The following EBLN1 variants were observed in gnomAD, a reference collection of about 807,000 sequenced individuals.
The protein encoded by EBLN1 is endogenous Bornavirus like nucleoprotein 1.
A neutral mutation model predicts 0.8 loss-of-function variants in EBLN1; 1 was observed. The observed-to-expected ratio is 1.32, with a 90% CI of 0.47 to 6.26. The LOEUF is 6.26. Ranked by LOEUF, EBLN1 falls within the 30% of genes most tolerant of loss-of-function variation. The pLI is 0.15. For synonymous variants in EBLN1, 158 were observed against 158.5 expected (o/e 1.00, Z 0.02); for missense variants, 396 against 447.9 (o/e 0.88, Z 1.05).
rs1014334708 is a variant in EBLN1, at chr10:22,209,928, T to C, written c.56A>G (p.Asp19Gly). 65 of 1,461,928 alleles carry C rather than the reference T, an allele frequency of 4.4e-5. No homozygotes were observed. Among genetic ancestry groups the C allele is most frequent in the Non-Finnish European group, 5.2e-5 (58 of 1,113,740 alleles). The allele number at this position is 1,461,928 out of a possible 1,614,324, so 90.6% of individuals were successfully genotyped here. Residue 19 changes from aspartate (D) to glycine (G), a missense_variant, in exon 3 of 3, where the codon GAT becomes GGT. Asp to Gly is a moderately conservative substitution (Grantham distance 94, BLOSUM62 -1). Coordinates refer to ENST00000422359, the MANE Select transcript of EBLN1 (RefSeq NM_001394757.1). ...QTSSPQDSTK[D>G]GSSFHYFQGR... ...TTGAAAGTAATGGAAGCTGCTCCCA[T>C]CCTTTGTACTGTCTTGTGGGCTGCT...
chr10:22,211,957 A>C (rs1273539301), intron 2 of EBLN1, among the ~76,000 whole-genome samples: 1 of 152,214 alleles, frequency 6.6e-6, no homozygotes, highest in East Asian at 1.9e-4. Context: ...TTAGTTAATC[A>C]TGCAACTAAA....
In EBLN1 at chr10:22,209,168, T is replaced by C. The variant is rs1834721032; in HGVS notation, c.816A>G (p.Lys272=). ...PVFEQKKPLA[K]KVLGDFFEFG... ...ATTCAAAGAAATCTCCAAGTACCTT[T>C]TTAGCCAGTGGTTTCTTCTGCTCAA... Residue 272 remains lysine (K), a synonymous_variant, in exon 3 of 3, where the codon AAA becomes AAG. Transcript: ENST00000422359. 6.5e-7 allele frequency: 1 copy of C among 1,535,766 alleles called. No individual in the cohort carries two copies. Among genetic ancestry groups the C allele is most frequent in the Non-Finnish European group, 8.7e-7 (1 of 1,146,970 alleles).
At chr10:22,211,245 T>C (rs1834750761) in intron 2 of EBLN1, among the ~76,000 whole-genome samples, 1 of 152,182 alleles carries the variant, frequency 6.6e-6, no homozygotes, top group African/African-American at 2.4e-5. Context: ...TGCATCTCAA[T>C]AAATATTTTT....
Position 22,211,738 on chromosome 10 carries a change from C to T in EBLN1, c.-45+1104G>A, listed in dbSNP as rs189844843. 3.3e-3 allele frequency among the ~76,000 whole-genome samples: 506 copies of T among 152,188 alleles called. 1 individual carries two copies. Among genetic ancestry groups the T allele is most frequent in the Non-Finnish European group, 5.5e-3 (374 of 68,004 alleles). ...GAACTCCTGACCTCAAGTAATCTGG[C>T]CTCATCCCACGCTACCCCACGCTAC... On this transcript the variant is annotated intron_variant, in intron 2 of 2. Transcript: ENST00000422359.
rs1016283175 is a variant in EBLN1 at position 22,209,572 on chromosome 10, G to A, written c.412C>T (p.Arg138Cys). 1.2e-5 allele frequency: 18 copies of A among 1,542,266 alleles called. No homozygotes were observed. In the African/African-American group the frequency reaches 1.2e-4, roughly 11 times the overall value. Residue 138 changes from arginine to cysteine, a missense_variant, in exon 3 of 3, where the codon CGT (arginine) becomes TGT (cysteine). Coordinates refer to ENST00000422359, the MANE Select transcript of EBLN1 (RefSeq NM_001394757.1). ...ATGCCTATCAGATCACAGCAGTGACGCAGAATTGATGACATCTCAAGGGCA... is the reference window on the plus strand; with the variant it reads ...ATGCCTATCAGATCACAGCAGTGACACAGAATTGATGACATCTCAAGGGCA... ...FTALEMSSIL[R>C]HCCDLIGIAA...
In EBLN1 at chr10:22,209,854, A is replaced by G. The variant is rs576011303; in HGVS notation, c.130T>C (p.Leu44=). 3.1e-5 allele frequency: 47 copies of G among 1,527,810 alleles called. No individual in the cohort carries two copies. Among genetic ancestry groups the G allele is most frequent in the African/African-American group, 1.5e-4 (11 of 72,878 alleles). 94.6% of individuals were successfully genotyped at this position (1,527,810 alleles called of 1,614,324 possible). ...TCTCCAATACCAGGTTGGGGCTCCAATGCATCTGCTGGATACTGTCTGCTC... is the reference window on the plus strand; with the variant it reads ...TCTCCAATACCAGGTTGGGGCTCCAGTGCATCTGCTGGATACTGTCTGCTC... ...GKSRQYPADA[L]EPQPGIGDVK... The change falls in exon 3 of 3, where the codon TTG becomes CTG. Residue 44 remains leucine (L), a synonymous_variant. Coordinates refer to ENST00000422359, the MANE Select transcript of EBLN1 (RefSeq NM_001394757.1).
rs748743903 is a variant in EBLN1, at chr10:22,216,261, CAAAACA to C, written c.-169+1649_-169+1654del. Among the ~76,000 whole-genome samples the C allele has an allele frequency of 6.7e-4, 102 of 151,738 alleles. 2 individuals carry two copies. The highest frequency in any genetic ancestry group is 6.8e-3 in the Middle Eastern group (2 of 294). ...TCATCTGGCATGTACAAACACATTG[CAAAACA>C]AAAACAAAAACAAAAACAAATTAGT... On this transcript the variant is annotated intron_variant, in intron 1 of 2. Transcript: ENST00000422359.
chr10:22,213,716 T>G (rs1216977657), intron 1 of EBLN1, among the ~76,000 whole-genome samples: 2 of 152,180 alleles, frequency 1.3e-5, no homozygotes, highest in African/African-American at 4.8e-5. Flanking sequence ...ATGACAAAAT[T>G]TACTGCTATT....
Position 22,209,252 on chromosome 10 carries a change from C to G in EBLN1, c.732G>C (p.Leu244=), listed in dbSNP as rs1291336157. The change falls in exon 3 of 3, where the codon CTG becomes CTC. Residue 244 remains leucine, a synonymous_variant. Coordinates refer to ENST00000422359, the MANE Select transcript of EBLN1 (RefSeq NM_001394757.1). ...MMTYYTVRMF[L]DQCVDGSTAL... ...CAGTGGAACCATCCACACACTGATC[C>G]AGGAACATTCTCACAGTGTAGTAGG... 1.3e-6 allele frequency: 2 copies of G among 1,568,764 alleles called. No homozygotes were observed. Among genetic ancestry groups the G allele is most frequent in the Non-Finnish European group, 1.7e-6 (2 of 1,164,718 alleles).
At position 22,209,951 on chromosome 10, in the gene EBLN1, G is replaced by T; in HGVS notation, c.33C>A (p.Ser11Arg). The T allele has an allele frequency of 7.0e-7, 1 of 1,430,780 alleles. No individual in the cohort carries two copies. The highest frequency in any genetic ancestry group is 9.1e-7 in the Non-Finnish European group (1 of 1,096,962). The allele number at this position is 1,430,780 out of a possible 1,614,324, so 88.6% of individuals were successfully genotyped here. Residue 11 changes from serine (S) to arginine (R), a missense_variant, in exon 3 of 3, where the codon AGC (serine) becomes AGA (arginine). Ser to Arg is a moderately radical substitution (Grantham distance 110, BLOSUM62 -1). Coordinates refer to ENST00000422359, the MANE Select transcript of EBLN1 (RefSeq NM_001394757.1). MSRPRNNPQT[S>R]SPQDSTKDGS... The stretch of plus-strand genomic sequence containing the variant: ...CATCCTTTGTACTGTCTTGTGGGCT[G>T]CTGGTCTGTGGGTTGTTTCTTGGGC...
rs1834765235 is a variant in EBLN1 at position 22,212,822 on chromosome 10, C to G, written c.-45+20G>C. 6.8e-6 allele frequency among the ~76,000 whole-genome samples: 1 copy of G among 148,014 alleles called. No individual in the cohort carries two copies. Among genetic ancestry groups the G allele is most frequent in the Non-Finnish European group, 1.5e-5 (1 of 67,248 alleles). ...AGTTGTGTTTTTTTTTTTAAATTAG[C>G]TGGGCATGGTGGCACGTACCTGCAG... On this transcript the variant is annotated intron_variant, in intron 2 of 2. Coordinates refer to ENST00000422359, the MANE Select transcript of EBLN1 (RefSeq NM_001394757.1).
Position 22,208,977 on chromosome 10 carries a change from T to C in EBLN1, c.1007A>G (p.Gln336Arg). 2 of 1,535,736 alleles carry C rather than the reference T, an allele frequency of 1.3e-6. No homozygotes were observed. Among genetic ancestry groups the C allele is most frequent in the South Asian group, 2.4e-5 (2 of 84,062 alleles). Residue 336 changes from glutamine to arginine, a missense_variant, in exon 3 of 3, where the codon CAA becomes CGA. Gln to Arg is a conservative substitution (Grantham distance 43). Transcript: ENST00000422359. ...GGAGATTTTCTGAGCAGATGCCATT[T>C]GAAGTACAGGGAATGTAATAGTTGA... Reference protein sequence around the residue: ...PGSTITFPVLQMASAQKISRG... With the variant: ...PGSTITFPVLRMASAQKISRG...
Position 22,209,603 on chromosome 10 carries a change from G to A in EBLN1, c.381C>T (p.Thr127=), listed in dbSNP as rs1834728529. ...YASKFEDVLP[T]FTALEMSSIL... is the part of the protein sequence containing the mutation. ...TTGATGACATCTCAAGGGCAGTGAA[G>A]GTAGGCAAAACATCTTCAAATTTGC... Residue 127 remains threonine (T), a synonymous_variant, in exon 3 of 3, where the codon ACC becomes ACT. Coordinates refer to ENST00000422359, the MANE Select transcript of EBLN1 (RefSeq NM_001394757.1). 1.3e-6 allele frequency: 2 copies of A among 1,536,818 alleles called. No individual in the cohort carries two copies. The highest frequency in any genetic ancestry group is 1.7e-6 in the Non-Finnish European group (2 of 1,147,484).
intron 2 of EBLN1, among the ~76,000 whole-genome samples, chr10:22,210,402 C>G (rs1347343342): frequency 1.3e-5 from 2 of 152,240 alleles, no homozygotes; most frequent in East Asian, 3.9e-4. Context: ...ATAAAACCCC[C>G]TATAATGAAC....
chr10:22,208,896 G>T lies in EBLN1; in HGVS notation c.1088C>A (p.Ser363Ter). 3.3e-6 allele frequency: 5 copies of T among 1,522,476 alleles called. No individual in the cohort carries two copies. The highest frequency in any genetic ancestry group is 4.4e-6 in the Non-Finnish European group (5 of 1,140,426). 94.3% of individuals were successfully genotyped at this position (1,522,476 alleles called of 1,614,324 possible). The change falls in exon 3 of 3, where the codon TCG (serine) becomes TAG (stop). Residue 363 changes from serine to a stop codon, truncating the protein, a stop_gained. Coordinates refer to ENST00000422359, the MANE Select transcript of EBLN1 (RefSeq NM_001394757.1). LOFTEE classifies it high-confidence loss of function. Reference protein sequence around the residue: ...TLNILRGYGISGFE With the variant: ...TLNILRGYGI ...TTCACGTATTTGTTATTCAAATCCC[G>T]AAATCCCATAACCGCGAAGGATGTT...
Position 22,209,810 on chromosome 10 carries a change from T to C in EBLN1, c.174A>G (p.Lys58=), listed in dbSNP as rs765383236. ...PGIGDVKVIE[K]ATKSMLDPAQ... ...CTGGGTCTAGCATAGACTTAGTTGC[T>C]TTTTCAATGACCTTAACATCTCCAA... Residue 58 remains lysine (K), a synonymous_variant, in exon 3 of 3, where the codon AAA becomes AAG. Coordinates refer to ENST00000422359, the MANE Select transcript of EBLN1 (RefSeq NM_001394757.1). The C allele has an allele frequency of 4.0e-5, 61 of 1,534,332 alleles. No individual in the cohort carries two copies. Among genetic ancestry groups the C allele is most frequent in the Non-Finnish European group, 5.0e-5 (57 of 1,146,164 alleles).
intron 2 of EBLN1, among the ~76,000 whole-genome samples, chr10:22,210,379 C>T (rs752651125): frequency 1.3e-5 from 2 of 152,082 alleles, no homozygotes; most frequent in African/African-American, 2.4e-5. Flanking sequence ...TTTAAAACAT[C>T]GAAGTAATGC....
chr10:22,214,064 AT>A (rs1834773381), intron 1 of EBLN1, among the ~76,000 whole-genome samples: 1 of 152,194 alleles, frequency 6.6e-6, no homozygotes, highest in African/African-American at 2.4e-5. Flanking sequence ...ATCAAGACAA[AT>A]TCAGCAGGGA....
At position 22,212,748 on chromosome 10, in the gene EBLN1, G is replaced by A. The variant is rs1377996110; in HGVS notation, c.-45+94C>T. 6.6e-5 allele frequency among the ~76,000 whole-genome samples: 10 copies of A among 150,998 alleles called. 1 individual carries two copies. The highest frequency in any genetic ancestry group is 1.9e-4 in the East Asian group (1 of 5,168). The stretch of plus-strand genomic sequence containing the variant: ...GAGGATCCCTTCAGTCCAGGAGTTC[G>A]AGACCAGCCTGGGCAATACAGCAGG... On this transcript the variant is annotated intron_variant, in intron 2 of 2. Transcript: ENST00000422359.
Sources: allele counts gnomAD v4.1 joint callset (sites outside exome capture counted in the v4.1 genomes callset), GRCh38; gene constraint gnomAD v4.1.1; transcripts MANE v1.5; gene names NCBI Gene and HGNC (gene_info 2026-07-23, HGNC 2026-07-21).